The following NEGR1 variants were observed in gnomAD, a reference collection of about 807,000 sequenced individuals.
NEGR1 encodes neuronal growth regulator 1, also known as IgLON family member 4.
NEGR1 carries 10 observed loss-of-function variants against 40.9 expected under a neutral mutation model. The ratio of observed to expected loss-of-function variants is 0.24; its 90% confidence interval spans 0.15 to 0.42. NEGR1 has a LOEUF of 0.42. Among genes scored for constraint, NEGR1 ranks in the 10% least tolerant of loss-of-function variants. The probability of loss-of-function intolerance (pLI) is 1.00; values close to 1 mark genes in which losing one functional copy is unlikely to be tolerated. For missense variants in NEGR1, 352 were observed against 438.9 expected, an observed-to-expected ratio of 0.80 and a Z score of 1.77; for synonymous variants, 185 against 166.8, an observed-to-expected ratio of 1.11 and a Z score of -0.84.
intron 2 of NEGR1, among the ~76,000 whole-genome samples, chr1:71,912,293 A>G (rs185196277): frequency 1.3e-5 from 2 of 152,118 alleles, no homozygotes; most frequent in Non-Finnish European, 2.9e-5. Flanking sequence ...AAAGTTTTCA[A>G]TAGGGAGTAA....
In NEGR1 at chr1:71,611,174, T is replaced by A. The variant is rs761387776; in HGVS notation, c.668-28A>T. 5.6e-6 allele frequency: 9 copies of A among 1,596,710 alleles called. No homozygotes were observed. The South Asian group carries it at 7.7e-5, about 14-fold the overall frequency. On this transcript the variant is annotated intron_variant, in intron 4 of 6. Transcript: ENST00000357731. Reference sequence around the variant, plus strand: ...GCAAAAGAAACAAACAAACAAATACTAGTAGATAAGTAAAAATAATCCTCA... The same window carrying A: ...GCAAAAGAAACAAACAAACAAATACAAGTAGATAAGTAAAAATAATCCTCA...
intron 1 of NEGR1, among the ~76,000 whole-genome samples, chr1:72,110,657 A>C (rs1012559743): frequency 1.3e-5 from 2 of 151,698 alleles, no homozygotes; most frequent in Non-Finnish European, 3.0e-5. Context: ...CAAAGTAAGT[A>C]ATTCCATTAA....
rs374253349 is a variant in NEGR1, at chr1:72,161,781, C to T, written c.176+120538G>A. ...GCAACCTTTGCTTCCTGGGTTCAAG[C>T]GATCCTCCTGCCTCAGCCTCCCAAG... On this transcript the variant is annotated intron_variant, in intron 1 of 6. Transcript: ENST00000357731. 3.9e-4 allele frequency among the ~76,000 whole-genome samples: 56 copies of T among 144,046 alleles called. No homozygotes were observed. In the East Asian group the frequency reaches 6.1e-3, roughly 16 times the overall value. The allele number at this position is 144,046 out of a possible 152,430, so 94.5% of individuals were successfully genotyped here.
chr1:71,483,134 C>T (rs1357327169), intron 6 of NEGR1, among the ~76,000 whole-genome samples: 1 of 151,334 alleles, frequency 6.6e-6, no homozygotes, highest in Non-Finnish European at 1.5e-5. Context: ...GACAGGGAAA[C>T]AGCCAGTATA....
intron 6 of NEGR1, among the ~76,000 whole-genome samples, chr1:71,529,455 C>G (rs562565172): frequency 6.6e-6 from 1 of 151,268 alleles, no homozygotes; most frequent in Non-Finnish European, 1.5e-5. Flanking sequence ...TGTATTCAGA[C>G]AGACAGGCTA....
rs532019222 is a variant in NEGR1 at position 71,551,539 on chromosome 1, A to G, written c.940+41278T>C. Among the ~76,000 whole-genome samples the G allele has an allele frequency of 3.3e-5, 5 of 151,776 alleles. No individual in the cohort carries two copies. The South Asian group carries it at 1.0e-3, about 31-fold the overall frequency. On this transcript the variant is annotated intron_variant, in intron 6 of 6. Coordinates refer to ENST00000357731, the MANE Select transcript of NEGR1 (RefSeq NM_173808.3). ...TTTCTTGCACTTATTTATATTTAAGATCTTAGGTAAATTATTTAACTTTGT... is the reference window on the plus strand; with the variant it reads ...TTTCTTGCACTTATTTATATTTAAGGTCTTAGGTAAATTATTTAACTTTGT...
intron 2 of NEGR1, among the ~76,000 whole-genome samples, chr1:71,856,894 T>A (rs1046876755): frequency 1.3e-5 from 2 of 152,048 alleles, no homozygotes; most frequent in Admixed American, 1.3e-4. Context: ...TAAGTCAAGA[T>A]ATATATGTTT....
intron 1 of NEGR1, among the ~76,000 whole-genome samples, chr1:72,087,441 T>C (rs530330261): frequency 1.4e-5 from 2 of 147,568 alleles, no homozygotes; most frequent in Middle Eastern, 3.2e-3. Context: ...AAAAAAAAAA[T>C]ATATATATAT....
chr1:72,090,686 A>G (rs1236196624), intron 1 of NEGR1, among the ~76,000 whole-genome samples: 2 of 151,930 alleles, frequency 1.3e-5, no homozygotes, highest in East Asian at 3.9e-4. Context: ...CCTAATGACA[A>G]CTCTAGATTC....
At chr1:71,907,100 A>G (rs899575430) in intron 2 of NEGR1, among the ~76,000 whole-genome samples, 6 of 152,200 alleles carry the variant, frequency 3.9e-5, no homozygotes, top group Admixed American at 2.0e-4. Flanking sequence ...TGTAAAAAAC[A>G]TAAGCAAAGA....
chr1:71,493,976 C>T (rs542451740), intron 6 of NEGR1, among the ~76,000 whole-genome samples: 3 of 152,134 alleles, frequency 2.0e-5, no homozygotes, highest in East Asian at 1.9e-4. Context: ...TATCCTTTTG[C>T]CTGAAGTGAC....
chr1:71,656,868 A>G (rs1651895651), intron 4 of NEGR1, among the ~76,000 whole-genome samples: 1 of 152,164 alleles, frequency 6.6e-6, no homozygotes, highest in Non-Finnish European at 1.5e-5. Flanking sequence ...GCTCTGGGAT[A>G]TTTTGATTTC....
At chr1:71,602,441 C>CG (rs1400412207) in intron 5 of NEGR1, among the ~76,000 whole-genome samples, 1 of 146,586 alleles carries the variant, frequency 6.8e-6, no homozygotes, top group East Asian at 2.0e-4. Flanking sequence ...TTAGTAGAGA[C>CG]GGGGTTTCAC....
intron 1 of NEGR1, among the ~76,000 whole-genome samples, chr1:72,087,463 T>G (rs1245138134): frequency 2.0e-5 from 3 of 151,128 alleles, no homozygotes; most frequent in Non-Finnish European, 4.4e-5. Flanking sequence ...TATTATTACT[T>G]AACCTCAGTA....
chr1:71,488,739 T>C (rs943952362), intron 6 of NEGR1, among the ~76,000 whole-genome samples: 1 of 151,706 alleles, frequency 6.6e-6, no homozygotes, highest in Admixed American at 6.6e-5. Flanking sequence ...CTTCAAACAC[T>C]GTTCAGATAG....
chr1:71,579,397 T>C (rs1649058348), intron 6 of NEGR1, among the ~76,000 whole-genome samples: 1 of 152,190 alleles, frequency 6.6e-6, no homozygotes, highest in African/African-American at 2.4e-5. Context: ...CAACACAGCA[T>C]GAGACTAGGC....
Position 71,626,700 on chromosome 1 carries a change from C to T in NEGR1, c.668-15554G>A, listed in dbSNP as rs552544375. ...CAAAAGAAACTACCATCAGAGTGAA[C>T]AGGCAACCAACAGAATGGGAGAAAA... On this transcript the variant is annotated intron_variant, in intron 4 of 6. Coordinates refer to ENST00000357731, the MANE Select transcript of NEGR1 (RefSeq NM_173808.3). 7.2e-5 allele frequency among the ~76,000 whole-genome samples: 11 copies of T among 152,126 alleles called. No homozygotes were observed. In the East Asian group the frequency reaches 1.4e-3, roughly 19 times the overall value.
At chr1:71,560,109 G>A (rs357211) in intron 6 of NEGR1, among the ~76,000 whole-genome samples, 92,120 of 150,522 alleles carry the variant, frequency 0.61, 28,467 homozygotes, top group Middle Eastern at 0.65. Context: ...TGATGATGAT[G>A]ATAACTATAT....
chr1:71,942,962 TTA>T (rs1447490882), intron 1 of NEGR1, among the ~76,000 whole-genome samples: 4 of 126,470 alleles, frequency 3.2e-5, no homozygotes, highest in East Asian at 2.1e-4. Flanking sequence ...TAAGTTTGTT[TTA>T]TATATATATA....
Sources: allele counts gnomAD v4.1 joint callset (sites outside exome capture counted in the v4.1 genomes callset), GRCh38; gene constraint gnomAD v4.1.1; transcripts MANE v1.5; gene names NCBI Gene and HGNC (gene_info 2026-07-23, HGNC 2026-07-21).